PHLDB2: variants seen among roughly 807,000 people sequenced by gnomAD.
The protein encoded by PHLDB2 is pleckstrin homology-like domain family B member 2.
Under a neutral mutation model 123.6 loss-of-function variants are expected in PHLDB2, and 71 were observed. The observed-to-expected ratio is 0.57, with a 90% CI of 0.47 to 0.70. PHLDB2 has a LOEUF of 0.70. Ranked by LOEUF, PHLDB2 falls within the 30% of genes least tolerant of loss-of-function variation. PHLDB2 has a pLI of 0.00. For missense variants in PHLDB2, 1,446 were observed against 1,519.5 expected, an observed-to-expected ratio of 0.95 and a Z score of 0.80; for synonymous variants, 547 against 541.6, an observed-to-expected ratio of 1.01 and a Z score of -0.14.
chr3:111,873,560 A>G (rs927545613), intron 1 of PHLDB2, among the ~76,000 whole-genome samples: 1 of 152,328 alleles, frequency 6.6e-6, no homozygotes, highest in Non-Finnish European at 1.5e-5. Flanking sequence ...AAACCCTTCA[A>G]TTCTTTACTG....
intron 17 of PHLDB2, 23 bp from the exon 18 acceptor site, chr3:111,974,400 C>T: frequency 6.4e-7 from 1 of 1,564,344 alleles, no homozygotes; most frequent in South Asian, 1.2e-5. Flanking sequence ...ATTTTACATT[C>T]TTTTTCCTTT....
intron 1 of PHLDB2, among the ~76,000 whole-genome samples, chr3:111,781,640 G>A (rs141427174): frequency 2.6e-5 from 4 of 152,032 alleles, no homozygotes; most frequent in Non-Finnish European, 4.4e-5. Flanking sequence ...ACAAGAACAG[G>A]CTCACATAGA....
intron 1 of PHLDB2, among the ~76,000 whole-genome samples, chr3:111,826,272 G>A (rs1226328814): frequency 1.3e-5 from 2 of 152,004 alleles, no homozygotes; most frequent in African/African-American, 4.8e-5. Context: ...GCATGCCACT[G>A]CACTCCAGCC....
Position 111,859,552 on chromosome 3 carries a change from G to A in PHLDB2, c.-39G>A, listed in dbSNP as rs1433512679. 42 of 985,466 alleles carry A rather than the reference G, an allele frequency of 4.3e-5. No individual in the cohort carries two copies. The highest frequency in any genetic ancestry group is 5.1e-5 in the Non-Finnish European group (42 of 830,028). The allele number at this position is 985,466 out of a possible 1,614,324, so 61.0% of individuals were successfully genotyped here. A position where few individuals can be genotyped will look rare whatever the true frequency, so the allele number is the denominator to read the frequency against. ...AGCGCGCCTGCCTTCTCTCGCCGCCGGGAACGGGCTGCACCAATGGCCAGG... is the reference window on the plus strand; with the variant it reads ...AGCGCGCCTGCCTTCTCTCGCCGCCAGGAACGGGCTGCACCAATGGCCAGG... On this transcript the variant is annotated 5_prime_UTR_variant, in exon 1 of 18. Coordinates refer to ENST00000431670, the MANE Select transcript of PHLDB2 (RefSeq NM_001134438.2).
At chr3:111,746,912 C>T (rs1049055418) in intron 1 of PHLDB2, among the ~76,000 whole-genome samples, 1 of 152,192 alleles carries the variant, frequency 6.6e-6, no homozygotes, top group Non-Finnish European at 1.5e-5. Flanking sequence ...AACTGGTTCT[C>T]ACTTCTCATC....
chr3:111,946,440 A>C (rs541306124), intron 9 of PHLDB2, among the ~76,000 whole-genome samples: 1 of 152,274 alleles, frequency 6.6e-6, no homozygotes, highest in African/African-American at 2.4e-5. Context: ...GGACTCTTAC[A>C]TAGAAAATAT....
In PHLDB2 at chr3:111,841,918, T is replaced by C. The variant is rs550656870; in HGVS notation, c.-48-3903T>C. Among the ~76,000 whole-genome samples the C allele has an allele frequency of 7.2e-5, 11 of 152,314 alleles. No homozygotes were observed. The South Asian group carries it at 2.3e-3, about 32-fold the overall frequency. The stretch of plus-strand genomic sequence containing the variant: ...TGTGCGGAACCTAGAAAGTCAGAGT[T>C]AGAAAGCAAAGCAAAGCTTGTGGGA... On this transcript the variant is annotated intron_variant, in intron 1 of 17. Coordinates refer to the PHLDB2 transcript ENST00000393923.
intron 1 of PHLDB2, among the ~76,000 whole-genome samples, chr3:111,878,155 T>A (rs1436531121): frequency 6.6e-6 from 1 of 152,272 alleles, no homozygotes; most frequent in Non-Finnish European, 1.5e-5. Flanking sequence ...TATGGCCATT[T>A]TCACAATATT....
At chr3:111,903,726 T>G (rs1415330623) in intron 2 of PHLDB2, among the ~76,000 whole-genome samples, 1 of 152,192 alleles carries the variant, frequency 6.6e-6, no homozygotes, top group Admixed American at 6.5e-5. Flanking sequence ...GAGCACCTAC[T>G]ACAAGACTGG....
chr3:111,972,330 C>T (rs1455524906), intron 16 of PHLDB2, among the ~76,000 whole-genome samples: 1 of 152,034 alleles, frequency 6.6e-6, no homozygotes, highest in Non-Finnish European at 1.5e-5. Flanking sequence ...AAAATATCGT[C>T]AATGGGCAAA....
At chr3:111,879,923 G>A (rs559882764) in intron 1 of PHLDB2, among the ~76,000 whole-genome samples, 3 of 148,338 alleles carry the variant, frequency 2.0e-5, no homozygotes, top group African/African-American at 7.5e-5. Flanking sequence ...AATTCCTCTT[G>A]TGTGGTGTAT....
intron 2 of PHLDB2, among the ~76,000 whole-genome samples, chr3:111,892,500 C>T (rs1408917621): frequency 1.3e-5 from 2 of 152,116 alleles, no homozygotes; most frequent in African/African-American, 4.8e-5. Flanking sequence ...TTCTGGGTTT[C>T]CTTAATCTGT....
chr3:111,974,819 T>C lies in PHLDB2; in HGVS notation c.*256T>C, dbSNP rs934765535. On this transcript the variant is annotated 3_prime_UTR_variant, in exon 18 of 18. Transcript: ENST00000431670. ...CTATTTTGATAAATTGGATCACTTATAGGAACATTTCTAATAAACTGTTTT... is the reference window on the plus strand; with the variant it reads ...CTATTTTGATAAATTGGATCACTTACAGGAACATTTCTAATAAACTGTTTT... 2.8e-5 allele frequency: 8 copies of C among 287,856 alleles called. No homozygotes were observed. Among genetic ancestry groups the C allele is most frequent in the East Asian group, 1.8e-4 (3 of 16,454 alleles). 17.8% of individuals were successfully genotyped at this position (287,856 alleles called of 1,614,324 possible).
At chr3:111,800,024 A>G (rs1355184722) in intron 1 of PHLDB2, among the ~76,000 whole-genome samples, 2 of 152,014 alleles carry the variant, frequency 1.3e-5, no homozygotes, top group African/African-American at 4.8e-5. Context: ...TTTTTTTTTG[A>G]GACAGAGTCT....
intron 2 of PHLDB2, among the ~76,000 whole-genome samples, chr3:111,888,883 T>C (rs578235518): frequency 6.6e-6 from 1 of 152,330 alleles, no homozygotes; most frequent in African/African-American, 2.4e-5. Flanking sequence ...TCTAACTCCC[T>C]TTTTGCAAAT....
chr3:111,969,633 G>A, intron 15 of PHLDB2, 57 bp from the exon 16 acceptor site: 1 of 1,412,400 alleles, frequency 7.1e-7, no homozygotes, highest in Non-Finnish European at 9.9e-7. Context: ...AAACATCTGT[G>A]ACCTAAAACA....
chr3:111,756,342 A>G, intron 1 of PHLDB2, among the ~76,000 whole-genome samples: 1 of 152,026 alleles, frequency 6.6e-6, no homozygotes. Context: ...GTGCTCCTGT[A>G]TTGGGTGCAT....
At chr3:111,901,221 G>A (rs1399118730) in intron 2 of PHLDB2, among the ~76,000 whole-genome samples, 5 of 148,930 alleles carry the variant, frequency 3.4e-5, no homozygotes, top group South Asian at 2.1e-4. Context: ...TTAGCCAGAC[G>A]TGGTGGCACA....
intron 1 of PHLDB2, among the ~76,000 whole-genome samples, chr3:111,774,669 A>G (rs6762439): frequency 0.94 from 142,498 of 152,264 alleles, 66,732 homozygotes; most frequent in East Asian, 1. Context: ...TATCCTGACT[A>G]GCACATTCTT....
Sources: gnomAD v4.1 joint callset for allele counts (sites outside exome capture counted in the v4.1 genomes callset) on GRCh38, gnomAD v4.1.1 for gene constraint, MANE v1.5 for transcripts, NCBI Gene and HGNC (gene_info 2026-07-23, HGNC 2026-07-21) for gene names.